ACVR1C: variants seen among roughly 807,000 people sequenced by gnomAD.
ACVR1C encodes activin A receptor type 1C, also known as activin receptor type-1C.
ACVR1C carries 23 observed loss-of-function variants against 57.9 expected under a neutral mutation model. The observed-to-expected ratio is 0.40, with a 90% CI of 0.29 to 0.56. The LOEUF (loss-of-function observed/expected upper bound fraction) is 0.56, where lower values mean the gene tolerates loss of function less well. ACVR1C is among the 20% of genes least tolerant of loss of function. ACVR1C has a pLI of 0.50. For missense variants in ACVR1C, 480 were observed against 607.9 expected (o/e 0.79, Z 2.21); for synonymous variants, 214 against 215.3 (o/e 0.99, Z 0.05).
intron 1 of ACVR1C, chr2:157,597,416 C>T (rs1682155849): frequency 1.0e-6 from 1 of 985,496 alleles, no homozygotes; most frequent in South Asian, 4.7e-5. Context: ...CAGGAGCTTC[C>T]GCCTCCCCTT....
At chr2:157,613,349 T>C (rs1408206033) in intron 1 of ACVR1C, among the ~76,000 whole-genome samples, 1 of 152,244 alleles carries the variant, frequency 6.6e-6, no homozygotes, top group African/African-American at 2.4e-5. Context: ...TTAAATAATC[T>C]CTAGATTACT....
At chr2:157,582,834 G>T (rs1688823292) in intron 2 of ACVR1C, among the ~76,000 whole-genome samples, 2 of 152,154 alleles carry the variant, frequency 1.3e-5, no homozygotes, top group South Asian at 4.1e-4. Flanking sequence ...AAATGCCAAA[G>T]AATCTAGAAA....
intron 2 of ACVR1C, among the ~76,000 whole-genome samples, chr2:157,556,958 T>C (rs1186737220): frequency 1.3e-5 from 2 of 152,144 alleles, no homozygotes; most frequent in Non-Finnish European, 2.9e-5. Flanking sequence ...CCACCATGCC[T>C]GGCCACAGCA....
intron 1 of ACVR1C, among the ~76,000 whole-genome samples, chr2:157,604,174 C>T (rs1336830921): frequency 1.3e-5 from 2 of 152,004 alleles, no homozygotes; most frequent in Non-Finnish European, 1.5e-5. Context: ...ATGTAATTTA[C>T]ATATAGAAAT....
intron 1 of ACVR1C, among the ~76,000 whole-genome samples, chr2:157,593,178 T>G (rs1012751160): frequency 6.6e-6 from 1 of 152,166 alleles, no homozygotes; most frequent in Non-Finnish European, 1.5e-5. Flanking sequence ...CATCCATATT[T>G]ACATGTGATG....
At chr2:157,608,397 T>C (rs1682455708) in intron 1 of ACVR1C, among the ~76,000 whole-genome samples, 1 of 151,996 alleles carries the variant, frequency 6.6e-6, no homozygotes, top group Non-Finnish European at 1.5e-5. Flanking sequence ...TAGTATTTTG[T>C]GGAGGATTTT....
At chr2:157,542,259 G>A (rs1687642494) in intron 6 of ACVR1C, among the ~76,000 whole-genome samples, 1 of 152,134 alleles carries the variant, frequency 6.6e-6, no homozygotes, top group African/African-American at 2.4e-5. Context: ...TCAGCATATA[G>A]AGTCCCTACC....
At chr2:157,580,986 C>T (rs1688776124) in intron 2 of ACVR1C, among the ~76,000 whole-genome samples, 1 of 152,086 alleles carries the variant, frequency 6.6e-6, no homozygotes, top group African/African-American at 2.4e-5. Flanking sequence ...CTGAGAGTTC[C>T]TCACTACAAG....
chr2:157,546,312 G>C (rs1025860216), intron 4 of ACVR1C, among the ~76,000 whole-genome samples: 2 of 152,180 alleles, frequency 1.3e-5, no homozygotes, highest in African/African-American at 2.4e-5. Context: ...AATTTGGAAA[G>C]AACTTTTTTG....
At chr2:157,610,301 A>C (rs1244330992) in intron 1 of ACVR1C, among the ~76,000 whole-genome samples, 1 of 152,072 alleles carries the variant, frequency 6.6e-6, no homozygotes, top group African/African-American at 2.4e-5. Flanking sequence ...TTGATGAAGG[A>C]TATTCTCACT....
intron 2 of ACVR1C, among the ~76,000 whole-genome samples, chr2:157,583,724 C>T (rs1688846562): frequency 6.6e-6 from 1 of 152,146 alleles, no homozygotes; most frequent in Admixed American, 6.5e-5. Flanking sequence ...TATAAAGTTA[C>T]TTTATTTTCA....
At chr2:157,567,718 A>G (rs1195615871) in intron 2 of ACVR1C, among the ~76,000 whole-genome samples, 23 of 17,324 alleles carry the variant, frequency 1.3e-3, no homozygotes, top group African/African-American at 5.1e-3. Context: ...GGACTATGTG[A>G]AAAGACCAAA....
intron 6 of ACVR1C, among the ~76,000 whole-genome samples, chr2:157,542,128 T>G (rs1437513311): frequency 2.6e-5 from 4 of 152,206 alleles, no homozygotes; most frequent in Non-Finnish European, 5.9e-5. Context: ...GTATCCAAAT[T>G]CATATTATCT....
intron 2 of ACVR1C, among the ~76,000 whole-genome samples, chr2:157,558,334 T>C (rs1688156022): frequency 6.6e-6 from 1 of 152,214 alleles, no homozygotes; most frequent in South Asian, 2.1e-4. Flanking sequence ...ATTCTCCAGA[T>C]GTCCTCTTTG....
chr2:157,566,478 C>G (rs1366753058), intron 2 of ACVR1C, among the ~76,000 whole-genome samples: 2 of 152,188 alleles, frequency 1.3e-5, no homozygotes, highest in Non-Finnish European at 2.9e-5. Context: ...GAGTGCCAGA[C>G]AGTGGGCGCA....
At position 157,626,153 on chromosome 2, in the gene ACVR1C, A is replaced by T. The variant is rs757031619; in HGVS notation, c.73+2419T>A. On this transcript the variant is annotated intron_variant, in intron 1 of 8. Coordinates refer to ENST00000243349, the MANE Select transcript of ACVR1C (RefSeq NM_145259.3). The stretch of plus-strand genomic sequence containing the variant: ...CTAATTGTTTTTAAATTTTTTGTAG[A>T]GATGGTGTCTCACTATGTTGCCTGA... 3.3e-5 allele frequency among the ~76,000 whole-genome samples: 5 copies of T among 152,154 alleles called. 1 individual carries two copies. The highest frequency in any genetic ancestry group is 7.3e-5 in the Non-Finnish European group (5 of 68,030).
At chr2:157,596,046 G>A (rs1030811306) in intron 1 of ACVR1C, among the ~76,000 whole-genome samples, 1 of 152,154 alleles carries the variant, frequency 6.6e-6, no homozygotes, top group East Asian at 1.9e-4. Context: ...ACATCCCAAC[G>A]TTTAGAATAG....
chr2:157,563,954 CA>C (rs1415925884), intron 2 of ACVR1C, among the ~76,000 whole-genome samples: 5 of 152,134 alleles, frequency 3.3e-5, no homozygotes, highest in Non-Finnish European at 7.4e-5. Flanking sequence ...ACACATTATA[CA>C]AAAATTAACT....
At chr2:157,610,714 G>T (rs1682512699) in intron 1 of ACVR1C, among the ~76,000 whole-genome samples, 2 of 152,056 alleles carry the variant, frequency 1.3e-5, no homozygotes, top group Non-Finnish European at 2.9e-5. Flanking sequence ...ATATTATGAA[G>T]AGTTTGTTCA....
Sources: allele counts gnomAD v4.1 joint callset (sites outside exome capture counted in the v4.1 genomes callset), GRCh38; gene constraint gnomAD v4.1.1; transcripts MANE v1.5; gene names NCBI Gene and HGNC (gene_info 2026-07-23, HGNC 2026-07-21).